The following USP29 variants were observed in gnomAD, a reference collection of about 807,000 sequenced individuals.
USP29 encodes ubiquitin specific peptidase 29.
For missense variants in USP29, 1,102 were observed against 1,069.0 expected (o/e 1.03, Z -0.43); for synonymous variants, 386 against 387.4 (o/e 1.00, Z 0.04).
chr19:57,123,871 G>A (rs2086809960), intron 2 of USP29, among the ~76,000 whole-genome samples, 168 bp from the exon 3 acceptor site: 1 of 152,190 alleles, frequency 6.6e-6, no homozygotes, highest in Non-Finnish European at 1.5e-5. Flanking sequence ...ATTAACACAG[G>A]AGGTTTTCTC....
At position 57,130,309 on chromosome 19, in the gene USP29, C is replaced by G; in HGVS notation, c.1634C>G (p.Thr545Ser). Residue 545 changes from threonine to serine, a missense_variant, in exon 4 of 4, where the codon ACC becomes AGC. Transcript: ENST00000254181. Reference protein sequence around the residue: ...LSLSSYCNESTKPPLPLSSSA... With the variant: ...LSLSSYCNESSKPPLPLSSSA... The stretch of plus-strand genomic sequence containing the variant: ...TTATCTTCTTATTGCAATGAAAGCA[C>G]CAAACCACCTCTTCCCTTGAGCAGT... 6.2e-7 allele frequency: 1 copy of G among 1,614,066 alleles called. No homozygotes were observed. The highest frequency in any genetic ancestry group is 8.5e-7 in the Non-Finnish European group (1 of 1,180,022).
chr19:57,124,046 C>T lies in USP29; in HGVS notation c.-110C>T, dbSNP rs1035808405. 6.6e-6 allele frequency: 1 copy of T among 152,144 alleles called. No individual in the cohort carries two copies. The highest frequency in any genetic ancestry group is 2.4e-5 in the African/African-American group (1 of 41,432). 9.4% of individuals were successfully genotyped at this position (152,144 alleles called of 1,614,324 possible). A position where few individuals can be genotyped will look rare whatever the true frequency, so the allele number is the denominator to read the frequency against. On this transcript the variant is annotated 5_prime_UTR_variant, in exon 3 of 4. Coordinates refer to ENST00000254181, the MANE Select transcript of USP29 (RefSeq NM_020903.3). ...CTTTTTGTTTCTTCCTAGTAACAGC[C>T]GTGGCAGTCAGAGCTCTGCCTGCAG...
Position 57,129,447 on chromosome 19 carries a change from T to C in USP29, c.772T>C (p.Leu258=), listed in dbSNP as rs751973556. 4.3e-6 allele frequency: 7 copies of C among 1,614,174 alleles called. No homozygotes were observed. In the South Asian group the frequency reaches 6.6e-5, roughly 15 times the overall value. ...TGCCAAAAATGGTTTGACATCTCCATTGGAACCAGAGCACAGCCAGGGTGA... is the reference window on the plus strand; with the variant it reads ...TGCCAAAAATGGTTTGACATCTCCACTGGAACCAGAGCACAGCCAGGGTGA... ...LNAKNGLTSP[L]EPEHSQGDPR... is the part of the protein sequence containing the mutation. The change falls in exon 4 of 4, where the codon TTG becomes CTG. Residue 258 remains leucine (L), a synonymous_variant. Transcript: ENST00000254181.
rs1201257429 is a variant in USP29, at chr19:57,130,273, A to G, written c.1598A>G (p.Lys533Arg). The G allele has an allele frequency of 6.2e-7, 1 of 1,614,030 alleles. No homozygotes were observed. Reference protein sequence around the residue: ...VKNNEQVYIPKSLSLSSYCNE... With the variant: ...VKNNEQVYIPRSLSLSSYCNE... Reference sequence around the variant, plus strand: ...AATAACGAGCAAGTTTATATTCCCAAATCTTTAAGTTTATCTTCTTATTGC... The same window carrying G: ...AATAACGAGCAAGTTTATATTCCCAGATCTTTAAGTTTATCTTCTTATTGC... Residue 533 changes from lysine to arginine, a missense_variant, in exon 4 of 4, where the codon AAA becomes AGA. Lys to Arg is a conservative substitution (Grantham distance 26, BLOSUM62 2). Transcript: ENST00000254181.
chr19:57,121,396 T>C, intron 1 of USP29, among the ~76,000 whole-genome samples: 1 of 143,074 alleles, frequency 7.0e-6, no homozygotes, highest in African/African-American at 2.5e-5. Flanking sequence ...TATATACTTA[T>C]ATATGTTATA....
At chr19:57,119,703 G>A (rs113895295), upstream of USP29, among the ~76,000 whole-genome samples, 1 of 152,054 alleles carries the variant, frequency 6.6e-6, no homozygotes, top group African/African-American at 2.4e-5. Flanking sequence ...GATGACAGGC[G>A]TGAGCCACCG....
Position 57,130,437 on chromosome 19 carries a change from A to C in USP29, c.1762A>C (p.Ser588Arg). ...ATCAATGAAGCTGACCTCAGAATCCAGTGATTCCCTGGTTCTACCCGTTGA... is the reference window on the plus strand; with the variant it reads ...ATCAATGAAGCTGACCTCAGAATCCCGTGATTCCCTGGTTCTACCCGTTGA... ...TPSMKLTSES[S>R]DSLVLPVEPD... Residue 588 changes from serine (S) to arginine (R), a missense_variant, in exon 4 of 4, where the codon AGT becomes CGT. Coordinates refer to ENST00000254181, the MANE Select transcript of USP29 (RefSeq NM_020903.3). 6.2e-7 allele frequency: 1 copy of C among 1,614,230 alleles called. No homozygotes were observed.
At chr19:57,127,833 A>T (rs2086831513) in intron 3 of USP29, among the ~76,000 whole-genome samples, 1 of 152,132 alleles carries the variant, frequency 6.6e-6, no homozygotes, top group South Asian at 2.1e-4. Flanking sequence ...TACAAAAAAA[A>T]ATCAACTCTT....
intron 3 of USP29, among the ~76,000 whole-genome samples, chr19:57,128,194 C>A (rs1401079876): frequency 6.6e-6 from 1 of 152,122 alleles, no homozygotes; most frequent in Non-Finnish European, 1.5e-5. Context: ...AGCTGCAGAG[C>A]GGAGCTGTTC....
chr19:57,125,067 G>C (rs993597471), intron 3 of USP29, among the ~76,000 whole-genome samples: 9 of 152,064 alleles, frequency 5.9e-5, no homozygotes, highest in African/African-American at 2.2e-4. Flanking sequence ...CGTTATTATT[G>C]TTGCAGTCCC....
Position 57,130,412 on chromosome 19 carries a change from A to G in USP29, c.1737A>G (p.Pro579=), listed in dbSNP as rs2086850590. The stretch of plus-strand genomic sequence containing the variant: ...CTGAGATCAACAGCCCATTGACACC[A>G]TCAATGAAGCTGACCTCAGAATCCA... ...MISEINSPLT[P]SMKLTSESSD... Residue 579 remains proline (P), a synonymous_variant, in exon 4 of 4, where the codon CCA becomes CCG. Coordinates refer to ENST00000254181, the MANE Select transcript of USP29 (RefSeq NM_020903.3). 9 of 1,614,066 alleles carry G rather than the reference A, an allele frequency of 5.6e-6. No homozygotes were observed. The highest frequency in any genetic ancestry group is 7.6e-6 in the Non-Finnish European group (9 of 1,180,004).
intron 1 of USP29, among the ~76,000 whole-genome samples, chr19:57,121,480 T>G (rs2086796223): frequency 7.2e-6 from 1 of 139,840 alleles, no homozygotes; most frequent in African/African-American, 2.5e-5. Context: ...TTATACATAC[T>G]TATATGTTAT....
intron 3 of USP29, among the ~76,000 whole-genome samples, chr19:57,127,433 G>A (rs1337424977): frequency 6.6e-6 from 1 of 152,166 alleles, no homozygotes; most frequent in Non-Finnish European, 1.5e-5. Context: ...AATTTTATCT[G>A]TAAGCCCCTG....
rs140335019 is a variant in USP29, at chr19:57,128,537, G to A, written c.-16-123G>A. 794 of 1,027,040 alleles carry A rather than the reference G, an allele frequency of 7.7e-4. 5 individuals are homozygous for A. The African/African-American group carries it at 8.0e-3, about 10-fold the overall frequency. 63.6% of individuals were successfully genotyped at this position (1,027,040 alleles called of 1,614,324 possible). On this transcript the variant is annotated intron_variant, in intron 3 of 3. Transcript: ENST00000254181. ...TTCAGAATATTAGCACCCCAAAAGAGTATTTTACTTAGAGCATAAGAAGAC... is the reference window on the plus strand; with the variant it reads ...TTCAGAATATTAGCACCCCAAAAGAATATTTTACTTAGAGCATAAGAAGAC...
Position 57,130,821 on chromosome 19 carries a change from T to C in USP29, c.2146T>C (p.Tyr716His). 6.2e-7 allele frequency: 1 copy of C among 1,614,186 alleles called. No homozygotes were observed. The highest frequency in any genetic ancestry group is 8.5e-7 in the Non-Finnish European group (1 of 1,180,034). The change falls in exon 4 of 4, where the codon TAT (tyrosine) becomes CAT (histidine). Residue 716 changes from tyrosine to histidine, a missense_variant. Coordinates refer to ENST00000254181, the MANE Select transcript of USP29 (RefSeq NM_020903.3). The stretch of plus-strand genomic sequence containing the variant: ...TGTCACTGAGTCCACCAATGGCTTT[T>C]ATGACTGTAAAGAAAACAGGATTCC... ...DSVTESTNGF[Y>H]DCKENRIPEG...
At chr19:57,128,364 G>A (rs971506393) in intron 3 of USP29, among the ~76,000 whole-genome samples, 7 of 152,124 alleles carry the variant, frequency 4.6e-5, no homozygotes, top group Non-Finnish European at 7.3e-5. Flanking sequence ...GAGCCACCAT[G>A]CCCAACCAAA....
rs190228158 is a variant in USP29 at position 57,131,533 on chromosome 19, G to A, written c.*89G>A. ...AATCCTGTACTTCACTCAGAATGAAGGAACAAGTATCTCAGGATGAAATCT... is the reference window on the plus strand; with the variant it reads ...AATCCTGTACTTCACTCAGAATGAAAGAACAAGTATCTCAGGATGAAATCT... On this transcript the variant is annotated 3_prime_UTR_variant, in exon 4 of 4. Coordinates refer to ENST00000254181, the MANE Select transcript of USP29 (RefSeq NM_020903.3). The A allele has an allele frequency of 1.3e-6, 2 of 1,489,590 alleles. No individual in the cohort carries two copies. Among genetic ancestry groups the A allele is most frequent in the Admixed American group, 4.7e-5 (2 of 42,848 alleles). The allele number at this position is 1,489,590 out of a possible 1,614,324, so 92.3% of individuals were successfully genotyped here.
chr19:57,126,252 G>A (rs754865360), intron 3 of USP29, among the ~76,000 whole-genome samples: 2 of 152,004 alleles, frequency 1.3e-5, no homozygotes, highest in Non-Finnish European at 1.5e-5. Context: ...TGCTCTTCTC[G>A]AGGAATATCT....
intron 1 of USP29, among the ~76,000 whole-genome samples, chr19:57,121,668 A>C (rs997901393): frequency 1.4e-5 from 2 of 147,310 alleles, no homozygotes; most frequent in Non-Finnish European, 3.0e-5. Context: ...TATGTTATAT[A>C]TACTTACATA....
Sources: allele counts gnomAD v4.1 joint callset (sites outside exome capture counted in the v4.1 genomes callset), GRCh38; gene constraint gnomAD v4.1.1; transcripts MANE v1.5; gene names NCBI Gene and HGNC (gene_info 2026-07-23, HGNC 2026-07-21).